The following CWH43 variants were observed in gnomAD, a reference collection of about 807,000 sequenced individuals.
CWH43 encodes the protein PGAP2-interacting protein.
In CWH43, 91 loss-of-function variants were observed where a neutral mutation model predicts 85.7. The observed-to-expected ratio is 1.06, with a 90% CI of 0.90 to 1.26. The LOEUF (loss-of-function observed/expected upper bound fraction) is 1.26, where lower values mean the gene tolerates loss of function less well. Among genes scored for constraint, CWH43 ranks in the 50% most tolerant of loss-of-function variants. The probability of loss-of-function intolerance (pLI) is 0.00; values close to 1 mark genes in which losing one functional copy is unlikely to be tolerated. For missense variants in CWH43, 869 were observed against 839.2 expected (o/e 1.04, Z -0.44); for synonymous variants, 323 against 293.6 (o/e 1.10, Z -1.02).
At chr4:49,035,678 C>T (rs553979165) in intron 12 of CWH43, among the ~76,000 whole-genome samples, 1 of 152,296 alleles carries the variant, frequency 6.6e-6, no homozygotes, top group East Asian at 1.9e-4. Flanking sequence ...TGTGAGCTCT[C>T]TCTCTTTCTG....
chr4:49,015,340 A>G (rs896690716), intron 8 of CWH43, among the ~76,000 whole-genome samples: 4 of 146,732 alleles, frequency 2.7e-5, no homozygotes, highest in Non-Finnish European at 4.5e-5. Flanking sequence ...CTATTCTTTT[A>G]GTAGTTGGTT....
intron 4 of CWH43, among the ~76,000 whole-genome samples, chr4:48,993,952 G>C (rs1184087272): frequency 6.6e-6 from 1 of 151,896 alleles, no homozygotes; most frequent in Admixed American, 6.6e-5. Flanking sequence ...AGTAGAGACA[G>C]GGTTTCACCA....
At chr4:49,017,510 G>T (rs1408984357) in intron 9 of CWH43, among the ~76,000 whole-genome samples, 182 bp downstream of exon 9, 1 of 152,106 alleles carries the variant, frequency 6.6e-6, no homozygotes, top group Non-Finnish European at 1.5e-5. Context: ...TTGGGTTCTT[G>T]GAATAGGATA....
At position 49,009,002 on chromosome 4, in the gene CWH43, T is replaced by C. The variant is rs139123942; in HGVS notation, c.1186+1676T>C. 3.1e-3 allele frequency among the ~76,000 whole-genome samples: 478 copies of C among 152,334 alleles called. 2 individuals carry two copies. The highest frequency in any genetic ancestry group is 3.3e-3 in the Non-Finnish European group (225 of 68,036). On this transcript the variant is annotated intron_variant, in intron 8 of 15. Transcript: ENST00000226432. ...TGAACTTTAAAGTAGTTTTTTCCAA[T>C]TCTGTGAAGAAAGTCATTGGTGACT...
At chr4:49,034,841 C>T (rs1784217150) in intron 12 of CWH43, among the ~76,000 whole-genome samples, 1 of 152,182 alleles carries the variant, frequency 6.6e-6, no homozygotes, top group African/African-American at 2.4e-5. Context: ...GCCCATATTA[C>T]CTCATGCAAA....
At chr4:49,003,225 T>C (rs151134095) in intron 6 of CWH43, among the ~76,000 whole-genome samples, 3 of 152,280 alleles carry the variant, frequency 2.0e-5, no homozygotes, top group African/African-American at 4.8e-5. Context: ...ACAAATGCTA[T>C]GTCTTCTCTT....
chr4:49,022,793 G>T (rs1783793412), intron 9 of CWH43, among the ~76,000 whole-genome samples: 1 of 152,016 alleles, frequency 6.6e-6, no homozygotes, highest in African/African-American at 2.4e-5. Context: ...TATATTTCCA[G>T]AAATTTATCC....
At chr4:49,044,648 A>G (rs202031271) in intron 13 of CWH43, 138 bp from the exon 14 acceptor site, 2 of 615,618 alleles carry the variant, frequency 3.2e-6, no homozygotes, top group Non-Finnish European at 5.6e-6. Context: ...TTTGGACCAA[A>G]AAAGATCAGT....
intron 8 of CWH43, among the ~76,000 whole-genome samples, chr4:49,007,534 G>C (rs1212041175): frequency 6.6e-6 from 1 of 152,084 alleles, no homozygotes; most frequent in African/African-American, 2.4e-5. Flanking sequence ...GTGCAGGTTT[G>C]TTACATAGGT....
intron 9 of CWH43, among the ~76,000 whole-genome samples, chr4:49,019,646 C>T (rs1577678990): frequency 6.6e-6 from 1 of 152,028 alleles, no homozygotes; most frequent in African/African-American, 2.4e-5. Flanking sequence ...GTGGCATGAT[C>T]TCGTTTCCCT....
Position 48,991,504 on chromosome 4 carries a change from C to A in CWH43, c.286C>A (p.Leu96Ile), listed in dbSNP as rs777273130. The A allele has an allele frequency of 1.2e-6, 2 of 1,613,950 alleles. No individual in the cohort carries two copies. Among genetic ancestry groups the A allele is most frequent in the African/African-American group, 1.3e-5 (1 of 74,904 alleles). ...AAATGCCAAACTTCGACTGATGGTTCTTGCGCTTGGGGTGTCTTCCTCACT... is the reference window on the plus strand; with the variant it reads ...AAATGCCAAACTTCGACTGATGGTTATTGCGCTTGGGGTGTCTTCCTCACT... ...APNAKLRLMVLALGVSSSLIV... is the reference protein window; with the variant it reads ...APNAKLRLMVIALGVSSSLIV... The change falls in exon 3 of 16, where the codon CTT becomes ATT. Residue 96 changes from leucine (L) to isoleucine (I), a missense_variant. Physicochemically the swap from Leu to Ile is conservative, Grantham distance 5. This residue lies in a region of CWH43 where 140 missense variants were observed against 122.6 expected (regional missense o/e 1.14). Transcript: ENST00000226432.
intron 9 of CWH43, among the ~76,000 whole-genome samples, chr4:49,020,379 T>G (rs1415487291): frequency 1.5e-5 from 1 of 65,976 alleles, no homozygotes; most frequent in Non-Finnish European, 4.4e-5. Flanking sequence ...TGAATAGTAT[T>G]CCATTACACA....
At chr4:49,054,823 G>A (rs150600702) in intron 15 of CWH43, among the ~76,000 whole-genome samples, 1 of 151,992 alleles carries the variant, frequency 6.6e-6, no homozygotes, top group African/African-American at 2.4e-5. Flanking sequence ...ACATAGAAAT[G>A]CTACTGATTT....
At chr4:49,029,122 A>T (rs998572302) in intron 10 of CWH43, among the ~76,000 whole-genome samples, 2 of 152,180 alleles carry the variant, frequency 1.3e-5, no homozygotes, top group African/African-American at 4.8e-5. Context: ...AGAAAGAGAG[A>T]TCAGACTGTT....
At chr4:48,987,552 G>C (rs1347479842) in intron 1 of CWH43, among the ~76,000 whole-genome samples, 1 of 152,062 alleles carries the variant, frequency 6.6e-6, no homozygotes, top group African/African-American at 2.4e-5. Context: ...TTGTTGTTTT[G>C]TTCTTGCTTA....
chr4:48,988,352 C>G, intron 1 of CWH43, 125 bp from the exon 2 acceptor site: 1 of 635,524 alleles, frequency 1.6e-6, no homozygotes, highest in South Asian at 2.7e-5. Flanking sequence ...CAACTGGAAC[C>G]CAGTTCAGGC....
chr4:49,033,391 A>G (rs937246087), intron 12 of CWH43, among the ~76,000 whole-genome samples: 10 of 152,096 alleles, frequency 6.6e-5, no homozygotes, highest in African/African-American at 2.2e-4. Context: ...GCCTAAATAT[A>G]CACGAAACTG....
intron 13 of CWH43, among the ~76,000 whole-genome samples, chr4:49,038,761 T>G (rs1425850364): frequency 6.6e-6 from 1 of 152,148 alleles, no homozygotes; most frequent in Admixed American, 6.6e-5. Flanking sequence ...TGCCACATTA[T>G]GAAAGTTAAT....
At chr4:49,005,225 T>G (rs1783116712) in intron 7 of CWH43, among the ~76,000 whole-genome samples, 1 of 152,206 alleles carries the variant, frequency 6.6e-6, no homozygotes, top group African/African-American at 2.4e-5. Flanking sequence ...CTGTATAAAT[T>G]TGTGGGGTAC....
Sources: gnomAD v4.1 joint callset for allele counts (sites outside exome capture counted in the v4.1 genomes callset) on GRCh38, gnomAD v4.1.1 for gene constraint, gnomAD v4.1.1 regional missense constraint, MANE v1.5 for transcripts, NCBI Gene and HGNC (gene_info 2026-07-23, HGNC 2026-07-21) for gene names.